The following APLF variants were observed in gnomAD, a reference collection of about 807,000 sequenced individuals.
APLF encodes aprataxin and PNKP like factor.
APLF carries 61 observed loss-of-function variants against 55.6 expected under a neutral mutation model. The observed-to-expected ratio is 1.10, with a 90% CI of 0.89 to 1.36. The LOEUF (loss-of-function observed/expected upper bound fraction) is 1.36, where lower values mean the gene tolerates loss of function less well. Among genes scored for constraint, APLF ranks in the 40% most tolerant of loss-of-function variants. APLF has a pLI of 0.00. For synonymous variants in APLF, 207 were observed against 214.8 expected, an observed-to-expected ratio of 0.96 and a Z score of 0.32; for missense variants, 611 against 602.5, an observed-to-expected ratio of 1.01 and a Z score of -0.15.
At chr2:68,545,828 A>T (rs1670689067) in intron 8 of APLF, among the ~76,000 whole-genome samples, 1 of 152,150 alleles carries the variant, frequency 6.6e-6, no homozygotes, top group African/African-American at 2.4e-5. Flanking sequence ...TTGTTTCTTT[A>T]TCAGAACATC....
At chr2:68,573,190 G>T (rs1188066225) in intron 9 of APLF, among the ~76,000 whole-genome samples, 1 of 152,086 alleles carries the variant, frequency 6.6e-6, no homozygotes, top group East Asian at 1.9e-4. Flanking sequence ...ACCCATCAGG[G>T]TTTACAAACC....
intron 9 of APLF, chr2:68,568,286 G>A: frequency 1.0e-6 from 1 of 985,326 alleles, no homozygotes; most frequent in Non-Finnish European, 1.2e-6. Context: ...AAAATAAAAT[G>A]CATACTATCC....
intron 1 of APLF, among the ~76,000 whole-genome samples, chr2:68,482,483 A>G (rs1313291555): frequency 7.2e-5 from 11 of 152,098 alleles, no homozygotes; most frequent in Admixed American, 5.2e-4. Flanking sequence ...GTATGCATGT[A>G]CACATAGTGA....
chr2:68,510,075 G>T (rs935307039), intron 3 of APLF, among the ~76,000 whole-genome samples: 6 of 137,928 alleles, frequency 4.4e-5, no homozygotes, highest in Non-Finnish European at 7.8e-5. Flanking sequence ...TTGTGGAGTG[G>T]GGGGAGGGGG....
chr2:68,478,815 G>A (rs1238387063), intron 1 of APLF, among the ~76,000 whole-genome samples: 1 of 152,182 alleles, frequency 6.6e-6, no homozygotes, highest in Non-Finnish European at 1.5e-5. Context: ...CTACTGTTTT[G>A]TGCAAATGCA....
intron 9 of APLF, among the ~76,000 whole-genome samples, chr2:68,567,860 C>A (rs908422009): frequency 3.3e-5 from 5 of 152,064 alleles, no homozygotes; most frequent in Admixed American, 3.3e-4. Context: ...TGTCCTTATT[C>A]AGCTGGGACG....
In APLF at chr2:68,579,047, A is replaced by G; in HGVS notation, c.*1025A>G. ...TTAATAACAGTTGGGTTGTGTACAC[A>G]GAGCAGGAGATATTTATTGAAATCA... is the stretch of plus-strand genomic sequence containing the variant. On this transcript the variant is annotated 3_prime_UTR_variant, in exon 10 of 10. Coordinates refer to ENST00000303795, the MANE Select transcript of APLF (RefSeq NM_173545.3). The G allele has an allele frequency of 1.0e-6, 1 of 984,798 alleles. No homozygotes were observed. The highest frequency in any genetic ancestry group is 1.2e-6 in the Non-Finnish European group (1 of 829,370). The allele number at this position is 984,798 out of a possible 1,614,324, so 61.0% of individuals were successfully genotyped here. A position where few individuals can be genotyped will look rare whatever the true frequency, so the allele number is the denominator to read the frequency against.
At chr2:68,525,329 TCCTC>T (rs1670005899) in intron 5 of APLF, among the ~76,000 whole-genome samples, 1 of 151,948 alleles carries the variant, frequency 6.6e-6, no homozygotes, top group Non-Finnish European at 1.5e-5. Flanking sequence ...TAAGTTTAAT[TCCTC>T]ACTGTGGATG....
intron 8 of APLF, among the ~76,000 whole-genome samples, chr2:68,551,718 G>A (rs1392049880): frequency 8.0e-6 from 1 of 125,734 alleles, no homozygotes; most frequent in African/African-American, 3.0e-5. Flanking sequence ...TTCTTTTAAT[G>A]TTCTTATTTA....
chr2:68,472,845 G>A (rs898070421), intron 1 of APLF, among the ~76,000 whole-genome samples: 2 of 152,122 alleles, frequency 1.3e-5, no homozygotes, highest in Non-Finnish European at 2.9e-5. Flanking sequence ...TAATATATTA[G>A]TTTTTAAAAT....
intron 9 of APLF, among the ~76,000 whole-genome samples, chr2:68,570,548 G>GT (rs1158375560): frequency 6.6e-6 from 1 of 151,768 alleles, no homozygotes. Context: ...GTGGTGTTTG[G>GT]TTTTTTGTCC....
intron 7 of APLF, among the ~76,000 whole-genome samples, chr2:68,540,755 AG>A (rs1670524510): frequency 6.6e-6 from 1 of 151,400 alleles, no homozygotes; most frequent in African/African-American, 2.4e-5. Context: ...GAATCCCAAT[AG>A]GGTGTATGTG....
At chr2:68,574,918 A>G (rs1671581154) in intron 9 of APLF, among the ~76,000 whole-genome samples, 1 of 152,238 alleles carries the variant, frequency 6.6e-6, no homozygotes, top group Admixed American at 6.5e-5. Flanking sequence ...TGGTTCATTT[A>G]TTCATTCATT....
At chr2:68,511,164 A>C (rs1355705333) in intron 3 of APLF, among the ~76,000 whole-genome samples, 1 of 151,802 alleles carries the variant, frequency 6.6e-6, no homozygotes, top group African/African-American at 2.4e-5. Context: ...GATGAATCTT[A>C]TGACTATATG....
At chr2:68,518,066 A>T (rs993271963) in intron 5 of APLF, among the ~76,000 whole-genome samples, 17 of 135,628 alleles carry the variant, frequency 1.3e-4, no homozygotes, top group African/African-American at 4.3e-4. Flanking sequence ...AATATATAAT[A>T]TATCATTAGT....
intron 7 of APLF, among the ~76,000 whole-genome samples, chr2:68,542,901 C>A (rs1206577525): frequency 6.6e-6 from 1 of 152,108 alleles, no homozygotes; most frequent in Non-Finnish European, 1.5e-5. Context: ...CCCACATGTC[C>A]ATCAATTATT....
At chr2:68,478,564 G>T (rs1675853037) in intron 1 of APLF, among the ~76,000 whole-genome samples, 1 of 152,184 alleles carries the variant, frequency 6.6e-6, no homozygotes, top group South Asian at 2.1e-4. Flanking sequence ...ATTTTAAAAA[G>T]ATGTTTGGCT....
intron 2 of APLF, among the ~76,000 whole-genome samples, chr2:68,494,293 A>G (rs1417857617): frequency 6.6e-6 from 1 of 151,150 alleles, no homozygotes; most frequent in Non-Finnish European, 1.5e-5. Flanking sequence ...AAAAAAAAAA[A>G]AAAAAAAAAG....
chr2:68,536,665 GTATT>G (rs965824791), intron 6 of APLF, among the ~76,000 whole-genome samples: 7 of 152,082 alleles, frequency 4.6e-5, no homozygotes, highest in African/African-American at 1.7e-4. Flanking sequence ...GCTAATGAGA[GTATT>G]TATTTGGTTC....
Sources: allele counts gnomAD v4.1 joint callset (sites outside exome capture counted in the v4.1 genomes callset), GRCh38; gene constraint gnomAD v4.1.1; transcripts MANE v1.5; gene names NCBI Gene and HGNC (gene_info 2026-07-23, HGNC 2026-07-21).